SLC7A14: variants seen among roughly 807,000 people sequenced by gnomAD.
SLC7A14 encodes the protein gamma-aminobutyric acid transporter SLC7A14.
Under a neutral mutation model 60.2 loss-of-function variants are expected in SLC7A14, and 37 were observed. The ratio of observed to expected loss-of-function variants is 0.61; its 90% CI spans 0.47 to 0.81. The LOEUF is 0.81. Among genes scored for constraint, SLC7A14 ranks in the 30% least tolerant of loss-of-function variants. The pLI, the probability that SLC7A14 is intolerant of heterozygous loss-of-function variation, is 0.00. For missense variants in SLC7A14, 886 were observed against 982.7 expected (o/e 0.90, Z 1.32); for synonymous variants, 399 against 395.8 (o/e 1.01, Z -0.10).
At chr3:170,476,878 G>A (rs1265593216) in intron 7 of SLC7A14, 1 of 152,230 alleles carries the variant, frequency 6.6e-6, no homozygotes, top group African/African-American at 2.4e-5. Flanking sequence ...CCAAAGGTAA[G>A]GGCCCCTGCC....
At chr3:170,534,606 G>T (rs1240207480) in intron 1 of SLC7A14, among the ~76,000 whole-genome samples, 1 of 152,132 alleles carries the variant, frequency 6.6e-6, no homozygotes, top group Admixed American at 6.5e-5. Flanking sequence ...CTGTACATCT[G>T]AGGAAGAAAC....
chr3:170,576,799 C>T (rs1480621515), intron 1 of SLC7A14, among the ~76,000 whole-genome samples: 1 of 152,094 alleles, frequency 6.6e-6, no homozygotes, highest in Admixed American at 6.5e-5. Flanking sequence ...CATTCTAGAT[C>T]CCAGTCCACC....
rs1252019402 is a variant in SLC7A14, at chr3:170,497,877, CT to C, written c.759+789del. 3.9e-5 allele frequency among the ~76,000 whole-genome samples: 6 copies of C among 152,316 alleles called. No individual in the cohort carries two copies. The East Asian group carries it at 1.2e-3, about 29-fold the overall frequency. Reference sequence around the variant, plus strand: ...TCATGGAATGAGATCTGAAAACATCCTTTTGGTCCAGCCCATGCTCTTGCTA... The same window carrying C: ...TCATGGAATGAGATCTGAAAACATCCTTTGGTCCAGCCCATGCTCTTGCTA... On this transcript the variant is annotated intron_variant, in intron 4 of 7. Coordinates refer to ENST00000231706, the MANE Select transcript of SLC7A14 (RefSeq NM_020949.3).
chr3:170,569,526 A>T (rs1212247073), intron 1 of SLC7A14, among the ~76,000 whole-genome samples: 1 of 152,092 alleles, frequency 6.6e-6, no homozygotes, highest in Admixed American at 6.6e-5. Context: ...CTGGCCTCAT[A>T]AAATGAGTTA....
chr3:170,536,200 G>A (rs1041130608), intron 1 of SLC7A14, among the ~76,000 whole-genome samples: 1 of 152,226 alleles, frequency 6.6e-6, no homozygotes, highest in Non-Finnish European at 1.5e-5. Flanking sequence ...GCTTGTGGAT[G>A]CAGTTTGGAA....
chr3:170,521,167 A>G (rs1713329940), intron 2 of SLC7A14, among the ~76,000 whole-genome samples: 1 of 152,242 alleles, frequency 6.6e-6, no homozygotes, highest in African/African-American at 2.4e-5. Flanking sequence ...GTGACAGGGC[A>G]GTGGGCAATT....
chr3:170,498,978 A>T lies in SLC7A14; in HGVS notation c.542-94T>A. On this transcript the variant is annotated intron_variant, in intron 3 of 7. Coordinates refer to ENST00000231706, the MANE Select transcript of SLC7A14 (RefSeq NM_020949.3). ...CCCCACTGCATCCGTACTCAGCTTT[A>T]AGAAGGGCAGTAAACTGGGAGGCCG... 1.5e-5 allele frequency: 18 copies of T among 1,230,156 alleles called. No homozygotes were observed. The South Asian group carries it at 2.3e-4, about 16-fold the overall frequency. The allele number at this position is 1,230,156 out of a possible 1,614,324, so 76.2% of individuals were successfully genotyped here.
intron 1 of SLC7A14, among the ~76,000 whole-genome samples, chr3:170,550,338 A>T (rs966330963): frequency 3.9e-5 from 6 of 152,160 alleles, no homozygotes; most frequent in African/African-American, 1.2e-4. Context: ...ATAATGAAAT[A>T]CTTAAACTTG....
rs1481310971 is a variant in SLC7A14 at position 170,535,715 on chromosome 3, G to T, written c.-152-8627C>A. Among the ~76,000 whole-genome samples the T allele has an allele frequency of 6.6e-6, 1 of 152,150 alleles. No homozygotes were observed. The highest frequency in any genetic ancestry group is 2.4e-5 in the African/African-American group (1 of 41,434). On this transcript the variant is annotated intron_variant, in intron 1 of 7. Transcript: ENST00000231706. This position sits in a 1 kb window ranked among gnomAD's most constrained non-coding sequence, Gnocchi z 4.3. ...TGCCAGGTCACTGTGGGTTGGCTGT[G>T]GCTCCAGCCAGGTGGCCCTCTCCAC...
intron 1 of SLC7A14, among the ~76,000 whole-genome samples, chr3:170,561,481 A>G (rs559408668): frequency 2.2e-4 from 34 of 152,346 alleles, no homozygotes; most frequent in African/African-American, 7.0e-4. Flanking sequence ...TTGTGGACAA[A>G]TTGTGTGTCT....
chr3:170,468,177 CCAAT>C (rs562334524), intron 7 of SLC7A14, among the ~76,000 whole-genome samples: 20 of 152,166 alleles, frequency 1.3e-4, no homozygotes, highest in Non-Finnish European at 2.8e-4. Flanking sequence ...TGATGTCATC[CCAAT>C]CAAAGGAAAG....
intron 6 of SLC7A14, 63 bp downstream of exon 6, chr3:170,483,251 G>A: frequency 1.3e-6 from 2 of 1,569,264 alleles, no homozygotes; most frequent in Admixed American, 1.7e-5. Flanking sequence ...CTGACAGTGG[G>A]TAGACATTCT....
At chr3:170,530,580 G>A (rs1253034834) in intron 1 of SLC7A14, among the ~76,000 whole-genome samples, 1 of 152,230 alleles carries the variant, frequency 6.6e-6, no homozygotes, top group Non-Finnish European at 1.5e-5. Flanking sequence ...AGTGCAGTGA[G>A]AAGCCCTTGG....
In SLC7A14 at chr3:170,480,556, T is replaced by A. The variant is rs1325093698; in HGVS notation, c.1726A>T (p.Met576Leu). Residue 576 changes from methionine to leucine, a missense_variant, in exon 7 of 8, where the codon ATG (methionine) becomes TTG (leucine). Met to Leu is a conservative substitution (Grantham distance 15). Transcript: ENST00000231706. ...ATGATGAAGGAGCAGAAGATGAACA[T>A]GAGGATGAAGAGCAGGAGCACGCAG... Reference protein sequence around the residue: ...TICVLLLFILMFIFCSFIIFG... With the variant: ...TICVLLLFILLFIFCSFIIFG... 6 of 1,613,990 alleles carry A rather than the reference T, an allele frequency of 3.7e-6. No individual in the cohort carries two copies. The highest frequency in any genetic ancestry group is 1.7e-5 in the Admixed American group (1 of 59,996).
intron 1 of SLC7A14, among the ~76,000 whole-genome samples, chr3:170,561,994 G>A (rs760884481): frequency 1.3e-5 from 2 of 152,098 alleles, no homozygotes; most frequent in Admixed American, 1.3e-4. Flanking sequence ...AAATATAATA[G>A]ATGTTGGCAT....
chr3:170,524,365 T>G (rs1371179518), intron 2 of SLC7A14, among the ~76,000 whole-genome samples: 1 of 152,160 alleles, frequency 6.6e-6, no homozygotes, highest in Non-Finnish European at 1.5e-5. Context: ...ATGTGAGCAG[T>G]GGAAAAGTCT....
chr3:170,570,641 A>G (rs1230270935), intron 1 of SLC7A14, among the ~76,000 whole-genome samples: 18 of 152,126 alleles, frequency 1.2e-4, no homozygotes, highest in Admixed American at 1.2e-3. Flanking sequence ...GAAAGAGACA[A>G]CTATTTATTT....
intron 1 of SLC7A14, among the ~76,000 whole-genome samples, chr3:170,555,333 G>A (rs1714458499): frequency 6.6e-6 from 1 of 152,018 alleles, no homozygotes; most frequent in South Asian, 2.1e-4. Flanking sequence ...CATTTTGGTT[G>A]AAAATGGTCT....
At position 170,585,300 on chromosome 3, in the gene SLC7A14, T is replaced by C. The variant is rs960900904; in HGVS notation, c.-153+611A>G. Among the ~76,000 whole-genome samples, 5 of 152,032 alleles carry C rather than the reference T, an allele frequency of 3.3e-5. No individual in the cohort carries two copies. Among genetic ancestry groups the C allele is most frequent in the African/African-American group, 1.2e-4 (5 of 41,474 alleles). ...TCGCCGCTCCCGGGAGAGTCACCAC[T>C]CTCCGGGGACAGACGCCCCTCGGGG... On this transcript the variant is annotated intron_variant, in intron 1 of 7. Coordinates refer to ENST00000231706, the MANE Select transcript of SLC7A14 (RefSeq NM_020949.3). The surrounding 1 kb of genome is among the most constrained non-coding windows in gnomAD (Gnocchi z 5.1).
Sources: allele counts gnomAD v4.1 joint callset (sites outside exome capture counted in the v4.1 genomes callset), GRCh38; gene constraint gnomAD v4.1.1; non-coding constraint Gnocchi (gnomAD v3.1); transcripts MANE v1.5; gene names NCBI Gene and HGNC (gene_info 2026-07-23, HGNC 2026-07-21).